Variants in TENM2 observed in about 807,000 individuals in gnomAD.
TENM2 encodes the protein teneurin-2.
TENM2 carries 52 observed loss-of-function variants against 245.2 expected under a neutral mutation model. The ratio of observed to expected loss-of-function variants is 0.21; its 90% CI spans 0.17 to 0.27. The LOEUF (loss-of-function observed/expected upper bound fraction) is 0.27, where lower values mean the gene tolerates loss of function less well. TENM2 is among the 10% of genes least tolerant of loss of function. TENM2 has a pLI of 1.00. For missense variants in TENM2, 3,046 were observed against 3,666.8 expected (o/e 0.83, Z 4.37); for synonymous variants, 1,363 against 1,438.9 (o/e 0.95, Z 1.19).
intron 3 of TENM2, among the ~76,000 whole-genome samples, chr5:167,931,365 A>T (rs1369269607): frequency 2.0e-5 from 3 of 152,180 alleles, no homozygotes. Context: ...AATTAAGATC[A>T]TATCGGGTTG....
intron 9 of TENM2, among the ~76,000 whole-genome samples, chr5:168,112,252 G>A (rs912304881): frequency 5.3e-5 from 8 of 152,100 alleles, no homozygotes; most frequent in African/African-American, 1.4e-4. Context: ...GTTCAGGGGT[G>A]CAAGTGTGGG....
At position 168,247,177 on chromosome 5, in the gene TENM2, T is replaced by A. The variant is rs375953908; in HGVS notation, c.6238T>A (p.Ser2080Thr). The A allele has an allele frequency of 1.8e-5, 29 of 1,613,886 alleles. No homozygotes were observed. The highest frequency in any genetic ancestry group is 2.3e-5 in the Non-Finnish European group (27 of 1,179,884). ...GGTGGACAAGCAGATCTACAGGTTCTCCGAGGAAGGCATGGTCAATGCCAG... is the reference window on the plus strand; with the variant it reads ...GGTGGACAAGCAGATCTACAGGTTCACCGAGGAAGGCATGGTCAATGCCAG... Residue 2080 changes from serine to threonine, a missense_variant, in exon 27 of 29, where the codon TCC (serine) becomes ACC (threonine). Ser to Thr is a moderately conservative substitution (Grantham distance 58). Coordinates refer to ENST00000518659, the Ensembl canonical transcript of TENM2. The surrounding 1 kb of genome is among the most constrained non-coding windows in gnomAD (Gnocchi z 7.8).
rs139896795 is a variant in TENM2 at position 167,541,239 on chromosome 5, T to C, written c.502+165766T>C. Among the ~76,000 whole-genome samples, 119 of 152,318 alleles carry C rather than the reference T, an allele frequency of 7.8e-4. No homozygotes were observed. The East Asian group carries it at 8.5e-3, about 11-fold the overall frequency. ...ATGCAAGTTTCAATGATGTTGTTCT[T>C]ATTTTTTCACTCGTAAAAATCTCTG... is the stretch of plus-strand genomic sequence containing the variant. On this transcript the variant is annotated intron_variant, in intron 2 of 28. Transcript: ENST00000518659.
intron 12 of TENM2, among the ~76,000 whole-genome samples, chr5:168,158,829 G>GTATATATATATATATATATATA (rs780328417): frequency 1.4e-4 from 9 of 63,708 alleles, no homozygotes; most frequent in Non-Finnish European, 2.7e-4. Flanking sequence ...GTGTGTGTGT[G>GTATATATATATATATATATATA]TATATATATA....
chr5:168,248,358 G>T, exon 27 of TENM2: 1 of 1,612,540 alleles, frequency 6.2e-7, no homozygotes, highest in South Asian at 1.1e-5. Context: ...TAGATTTGAA[G>T]AACTACGTGA....
chr5:167,965,778 G>T (rs1396323091), intron 4 of TENM2, among the ~76,000 whole-genome samples: 5 of 152,120 alleles, frequency 3.3e-5, no homozygotes, highest in African/African-American at 9.7e-5. Context: ...AGGGAAACCA[G>T]GGCTGGGGGA....
chr5:168,100,274 C>CA (rs1793700599), intron 9 of TENM2, among the ~76,000 whole-genome samples: 1 of 152,160 alleles, frequency 6.6e-6, no homozygotes, highest in Non-Finnish European at 1.5e-5. Context: ...AATGCCTTTA[C>CA]ACTGTTGGTG....
intron 2 of TENM2, among the ~76,000 whole-genome samples, chr5:167,829,785 A>G (rs1768305123): frequency 6.6e-6 from 1 of 152,228 alleles, no homozygotes; most frequent in African/African-American, 2.4e-5. Flanking sequence ...AGAACCTCTG[A>G]CAAAGGCAGG....
At chr5:167,719,663 G>C (rs1250124667) in intron 2 of TENM2, among the ~76,000 whole-genome samples, 1 of 152,236 alleles carries the variant, frequency 6.6e-6, no homozygotes, top group Non-Finnish European at 1.5e-5. Flanking sequence ...GTACATGCGA[G>C]AGAGTCTTCT....
At chr5:167,835,047 G>A (rs1326214556) in intron 2 of TENM2, among the ~76,000 whole-genome samples, 2 of 152,190 alleles carry the variant, frequency 1.3e-5, no homozygotes, top group Non-Finnish European at 2.9e-5. Context: ...TCCTCGCACT[G>A]CCCCTGAGCA....
chr5:167,202,587 G>T, the TENM2 span, among the ~76,000 whole-genome samples: 1 of 152,160 alleles, frequency 6.6e-6, no homozygotes, highest in Non-Finnish European at 1.5e-5. Flanking sequence ...CAGTTGAATA[G>T]ATTCTCCTGC....
intron 26 of TENM2, among the ~76,000 whole-genome samples, chr5:168,245,959 G>A (rs769891108): frequency 2.0e-5 from 3 of 150,928 alleles, no homozygotes; most frequent in Non-Finnish European, 2.9e-5. Context: ...GTGGCTGGGC[G>A]CAATGGCTCA....
intron 25 of TENM2, among the ~76,000 whole-genome samples, chr5:168,239,114 G>A (rs111488978): frequency 1.3e-5 from 2 of 151,908 alleles, no homozygotes; most frequent in South Asian, 2.1e-4. Flanking sequence ...GCTCTAAACT[G>A]GGGGGGCAGG....
At chr5:167,660,490 A>C (rs78768058) in intron 2 of TENM2, 1 of 150,320 alleles carries the variant, frequency 6.7e-6, no homozygotes, top group African/African-American at 2.5e-5. Context: ...AAAAAAAAAA[A>C]AAGATATTAC....
intron 12 of TENM2, among the ~76,000 whole-genome samples, chr5:168,130,874 A>T (rs1754513701): frequency 6.6e-6 from 1 of 152,194 alleles, no homozygotes; most frequent in South Asian, 2.1e-4. Context: ...TGAGTGACAG[A>T]GCGAGATCCT....
chr5:167,648,779 A>G (rs1317415811), intron 2 of TENM2, among the ~76,000 whole-genome samples: 1 of 152,168 alleles, frequency 6.6e-6, no homozygotes, highest in African/African-American at 2.4e-5. Context: ...GGAATCAGTT[A>G]ATTACTAGTC....
exon 7 of TENM2, chr5:168,062,126 A>G (rs779522094): frequency 2.5e-6 from 4 of 1,613,612 alleles, no homozygotes; most frequent in Middle Eastern, 1.7e-4. Flanking sequence ...CGGGTAACAC[A>G]AGAAGTCCCA....
intron 5 of TENM2, among the ~76,000 whole-genome samples, chr5:168,007,489 T>C (rs1784914537): frequency 6.6e-6 from 1 of 152,150 alleles, no homozygotes; most frequent in South Asian, 2.1e-4. Flanking sequence ...ACCTCGGTGC[T>C]ACGCCACCCT....
chr5:167,362,094 T>C (rs964949127), intron 1 of TENM2, among the ~76,000 whole-genome samples: 2 of 152,198 alleles, frequency 1.3e-5, no homozygotes, highest in Non-Finnish European at 2.9e-5. Flanking sequence ...ATGCTAAGTG[T>C]AATTAAGGCT....
Sources: gnomAD v4.1 joint callset for allele counts (sites outside exome capture counted in the v4.1 genomes callset) on GRCh38, gnomAD v4.1.1 for gene constraint, Gnocchi (gnomAD v3.1) non-coding constraint, MANE v1.5 for transcripts, NCBI Gene and HGNC (gene_info 2026-07-23, HGNC 2026-07-21) for gene names.